MALRD1: variants seen among roughly 807,000 people sequenced by gnomAD.
MALRD1 encodes the protein MAM and LDL receptor class A domain containing 1.
Under a neutral mutation model 242.1 loss-of-function variants are expected in MALRD1, and 247 were observed. That is an observed-to-expected ratio of 1.02 (90% CI 0.92 to 1.13). MALRD1 has a LOEUF of 1.13. Ranked by LOEUF, MALRD1 falls within the 50% of genes most tolerant of loss-of-function variation. The probability of loss-of-function intolerance (pLI) is 0.00; values close to 1 mark genes in which losing one functional copy is unlikely to be tolerated. For missense variants in MALRD1, 2,989 were observed against 2,533.1 expected, an observed-to-expected ratio of 1.18 and a Z score of -3.86; for synonymous variants, 995 against 866.6, an observed-to-expected ratio of 1.15 and a Z score of -2.60.
At chr10:19,687,339 C>T (rs1468948844) in intron 36 of MALRD1, among the ~76,000 whole-genome samples, 1 of 152,158 alleles carries the variant, frequency 6.6e-6, no homozygotes, top group Non-Finnish European at 1.5e-5. Context: ...TTGTCAAGCT[C>T]ATAAGGTGAA....
At chr10:19,205,735 G>A (rs1836754003) in intron 17 of MALRD1, among the ~76,000 whole-genome samples, 1 of 151,998 alleles carries the variant, frequency 6.6e-6, no homozygotes, top group African/African-American at 2.4e-5. Context: ...TAGCCAGTGT[G>A]GCTGGAGCAA....
intron 18 of MALRD1, among the ~76,000 whole-genome samples, chr10:19,257,095 G>T (rs554466420): frequency 2.2e-4 from 34 of 152,080 alleles, no homozygotes; most frequent in African/African-American, 8.0e-4. Context: ...TGGAACTGCC[G>T]CTCCTGCAGC....
At chr10:19,613,583 T>A (rs1838998787) in intron 35 of MALRD1, among the ~76,000 whole-genome samples, 2 of 152,086 alleles carry the variant, frequency 1.3e-5, no homozygotes, top group African/African-American at 4.8e-5. Flanking sequence ...ATATTTTTGC[T>A]AGTTTATTAC....
intron 38 of MALRD1, among the ~76,000 whole-genome samples, chr10:19,694,960 A>C (rs1564547975): frequency 6.6e-6 from 1 of 152,268 alleles, no homozygotes; most frequent in South Asian, 2.1e-4. Flanking sequence ...TTCTCAGCAA[A>C]CTACCACAAG....
At chr10:19,538,058 T>A (rs910274251) in intron 32 of MALRD1, among the ~76,000 whole-genome samples, 2 of 152,302 alleles carry the variant, frequency 1.3e-5, no homozygotes, top group East Asian at 3.9e-4. Context: ...CTAAATTTTA[T>A]TAGCATATTA....
At chr10:19,105,439 A>G (rs1478139700) in intron 5 of MALRD1, among the ~76,000 whole-genome samples, 1 of 151,978 alleles carries the variant, frequency 6.6e-6, no homozygotes, top group Non-Finnish European at 1.5e-5. Context: ...GGTTGATTTC[A>G]TATCTTGGCT....
chr10:19,336,249 A>ATT (rs1843606727), intron 24 of MALRD1, among the ~76,000 whole-genome samples: 2 of 152,322 alleles, frequency 1.3e-5, no homozygotes, highest in South Asian at 4.1e-4. Flanking sequence ...ATTGATACAG[A>ATT]GACTTCTATG....
chr10:19,380,287 T>A, intron 26 of MALRD1, among the ~76,000 whole-genome samples: 1 of 151,536 alleles, frequency 6.6e-6, no homozygotes, highest in South Asian at 2.1e-4. Flanking sequence ...CTTTTTTTTT[T>A]TTTTTGATTG....
At chr10:19,149,270 C>T (rs2131450063) in intron 11 of MALRD1, among the ~76,000 whole-genome samples, 1 of 152,210 alleles carries the variant, frequency 6.6e-6, no homozygotes, top group East Asian at 1.9e-4. Context: ...TGCACACCAC[C>T]ACGCCCAGCT....
chr10:19,136,390 C>A (rs1833340689), intron 9 of MALRD1, among the ~76,000 whole-genome samples, 184 bp from the exon 10 acceptor site: 1 of 151,340 alleles, frequency 6.6e-6, no homozygotes, highest in Non-Finnish European at 1.5e-5. Context: ...GCACAACCTG[C>A]AGGTTTGTTA....
intron 26 of MALRD1, among the ~76,000 whole-genome samples, chr10:19,354,459 A>G (rs1474651624): frequency 1.3e-5 from 2 of 152,136 alleles, no homozygotes; most frequent in African/African-American, 2.4e-5. Context: ...GCTGAACACT[A>G]GATTGTATTC....
At chr10:19,596,370 C>G (rs149898302) in intron 34 of MALRD1, among the ~76,000 whole-genome samples, 10 of 152,126 alleles carry the variant, frequency 6.6e-5, no homozygotes, top group African/African-American at 2.2e-4. Context: ...ATTCCATAAA[C>G]TACATGTTAA....
intron 26 of MALRD1, among the ~76,000 whole-genome samples, chr10:19,357,579 T>C (rs1184108996): frequency 6.6e-6 from 1 of 152,162 alleles, no homozygotes; most frequent in Non-Finnish European, 1.5e-5. Context: ...TAAAATCTTA[T>C]TATTTATTGA....
chr10:19,408,177 G>C (rs1833117724), intron 28 of MALRD1, among the ~76,000 whole-genome samples: 1 of 152,144 alleles, frequency 6.6e-6, no homozygotes, highest in South Asian at 2.1e-4. Flanking sequence ...ACAGGCAGCA[G>C]GTGCTTGAAT....
intron 26 of MALRD1, among the ~76,000 whole-genome samples, chr10:19,360,105 C>G (rs1844826101): frequency 1.3e-5 from 2 of 152,170 alleles, no homozygotes; most frequent in South Asian, 4.1e-4. Flanking sequence ...GAAATTGCCT[C>G]TAGGATCTAG....
chr10:19,453,816 G>T (rs188754131), intron 29 of MALRD1, among the ~76,000 whole-genome samples: 23 of 152,102 alleles, frequency 1.5e-4, no homozygotes, highest in African/African-American at 5.5e-4. Flanking sequence ...GCAGAGGTTT[G>T]CAGTGAGCCG....
chr10:19,468,025 C>G (rs893908457), intron 29 of MALRD1, among the ~76,000 whole-genome samples: 2 of 152,056 alleles, frequency 1.3e-5, no homozygotes, highest in African/African-American at 4.8e-5. Flanking sequence ...AAGTCCTGAC[C>G]TCAAGTGATT....
chr10:19,493,728 G>A (rs1478622746), intron 30 of MALRD1, among the ~76,000 whole-genome samples: 1 of 151,848 alleles, frequency 6.6e-6, no homozygotes, highest in African/African-American at 2.4e-5. Context: ...GCAGAGAATT[G>A]CTTGAACCTG....
intron 36 of MALRD1, among the ~76,000 whole-genome samples, chr10:19,619,641 A>G (rs1175375674): frequency 6.6e-6 from 1 of 152,090 alleles, no homozygotes; most frequent in Non-Finnish European, 1.5e-5. Flanking sequence ...AGCACAACAG[A>G]TCAGTTGCTT....
Sources: allele counts gnomAD v4.1 joint callset (sites outside exome capture counted in the v4.1 genomes callset), GRCh38; gene constraint gnomAD v4.1.1; transcripts MANE v1.5; gene names NCBI Gene and HGNC (gene_info 2026-07-23, HGNC 2026-07-21).